CABCOCO1: variants seen among roughly 807,000 people sequenced by gnomAD.
The protein encoded by CABCOCO1 is ciliary associated calcium binding coiled-coil 1, also known as ciliary-associated calcium-binding coiled-coil protein 1.
CABCOCO1 carries 28 observed loss-of-function variants against 35.7 expected under a neutral mutation model. That is an observed-to-expected ratio of 0.78 (90% confidence interval 0.58 to 1.07). CABCOCO1 has a LOEUF of 1.07. Ranked by LOEUF, CABCOCO1 falls within the 50% of genes least tolerant of loss-of-function variation. The pLI, the probability that CABCOCO1 is intolerant of heterozygous loss-of-function variation, is 0.00. For missense variants in CABCOCO1, 326 were observed against 309.2 expected, an observed-to-expected ratio of 1.05 and a Z score of -0.41; for synonymous variants, 95 against 100.1, an observed-to-expected ratio of 0.95 and a Z score of 0.30.
At chr10:61,765,907 C>T (rs1275481275) in intron 7 of CABCOCO1, 32 bp from the exon 8 acceptor site, 6 of 1,589,832 alleles carry the variant, frequency 3.8e-6, no homozygotes, top group South Asian at 1.1e-5. Context: ...ATAGCTCCAT[C>T]ATAACCACGT....
intron 5 of CABCOCO1, among the ~76,000 whole-genome samples, chr10:61,743,541 A>G (rs1841594360): frequency 2.0e-5 from 3 of 152,172 alleles, no homozygotes; most frequent in African/African-American, 7.2e-5. Context: ...CATTTGTCCC[A>G]TTTAATGGAT....
rs529182260 is a variant in CABCOCO1, at chr10:61,749,571, C to A, written c.553-10488C>A. 3.3e-5 allele frequency among the ~76,000 whole-genome samples: 5 copies of A among 152,324 alleles called. No individual in the cohort carries two copies. The South Asian group carries it at 1.0e-3, about 32-fold the overall frequency. On this transcript the variant is annotated intron_variant, in intron 5 of 7. Coordinates refer to ENST00000648843, the MANE Select transcript of CABCOCO1 (RefSeq NM_001366906.2). ...TATGTAGAGCCAGTGAACAAATTCT[C>A]TTTCTGAATTTATCAGAGAATGCCT... is the stretch of plus-strand genomic sequence containing the variant.
At chr10:61,712,101 A>G (rs967133614) in intron 5 of CABCOCO1, among the ~76,000 whole-genome samples, 3 of 151,954 alleles carry the variant, frequency 2.0e-5, no homozygotes, top group Non-Finnish European at 4.4e-5. Context: ...TCCCATCAAC[A>G]GTGTAAAAGC....
chr10:61,765,110 A>AGC (rs1842080504), intron 7 of CABCOCO1, among the ~76,000 whole-genome samples: 1 of 152,288 alleles, frequency 6.6e-6, no homozygotes, highest in African/African-American at 2.4e-5. Flanking sequence ...ATATGTGTAT[A>AGC]AGCTACTCCT....
chr10:61,704,368 A>T (rs1238191030), intron 5 of CABCOCO1, among the ~76,000 whole-genome samples: 5 of 152,238 alleles, frequency 3.3e-5, no homozygotes, highest in African/African-American at 1.2e-4. Context: ...AGATGAGGCT[A>T]TAAAAAACCT....
At chr10:61,723,682 G>C (rs575806387) in intron 5 of CABCOCO1, among the ~76,000 whole-genome samples, 45 of 152,248 alleles carry the variant, frequency 3.0e-4, no homozygotes, top group African/African-American at 1.1e-3. Flanking sequence ...ACAGGGCATA[G>C]AGGAAGAGCT....
intron 5 of CABCOCO1, among the ~76,000 whole-genome samples, chr10:61,754,239 C>T (rs1034776376): frequency 6.6e-6 from 1 of 152,030 alleles, no homozygotes; most frequent in African/African-American, 2.4e-5. Context: ...TAGCATCCCA[C>T]AGTTAGGAAT....
intron 7 of CABCOCO1, among the ~76,000 whole-genome samples, chr10:61,762,541 C>T (rs1234465730): frequency 6.6e-6 from 1 of 152,050 alleles, no homozygotes. Flanking sequence ...AAATTACTGC[C>T]AATTTTTCAA....
At chr10:61,706,802 T>A (rs1840603089) in intron 5 of CABCOCO1, among the ~76,000 whole-genome samples, 2 of 152,042 alleles carry the variant, frequency 1.3e-5, no homozygotes, top group Admixed American at 1.3e-4. Context: ...AATCACTACA[T>A]GTTGGGTGCA....
chr10:61,742,559 C>T (rs1841572186), intron 5 of CABCOCO1, among the ~76,000 whole-genome samples: 2 of 152,242 alleles, frequency 1.3e-5, no homozygotes, highest in Admixed American at 1.3e-4. Flanking sequence ...ATTGTGGGGC[C>T]TTGGAACAGT....
intron 5 of CABCOCO1, among the ~76,000 whole-genome samples, chr10:61,745,857 G>T (rs568845514): frequency 1.3e-5 from 2 of 152,324 alleles, no homozygotes; most frequent in South Asian, 2.1e-4. Flanking sequence ...AGGAGGAGAT[G>T]TAACAGTTGG....
chr10:61,680,475 T>TAACATA (rs1212227035), intron 2 of CABCOCO1, among the ~76,000 whole-genome samples: 1 of 17,338 alleles, frequency 5.8e-5, no homozygotes, highest in Non-Finnish European at 1.8e-4. Context: ...ATAATATATA[T>TAACATA]TTATATATAT....
At chr10:61,719,916 A>G (rs1840959168) in intron 5 of CABCOCO1, among the ~76,000 whole-genome samples, 1 of 74,382 alleles carries the variant, frequency 1.3e-5, no homozygotes, top group South Asian at 5.7e-4. Context: ...GTGAGACTCC[A>G]TCTCAAAAAA....
intron 5 of CABCOCO1, among the ~76,000 whole-genome samples, chr10:61,695,666 AGACT>A (rs1424131704): frequency 1.3e-5 from 2 of 152,110 alleles, no homozygotes; most frequent in Non-Finnish European, 2.9e-5. Context: ...AGTAGCAATA[AGACT>A]GACAGTCAAC....
intron 5 of CABCOCO1, among the ~76,000 whole-genome samples, chr10:61,751,899 C>A (rs1314813626): frequency 6.6e-6 from 1 of 152,168 alleles, no homozygotes; most frequent in Non-Finnish European, 1.5e-5. Context: ...ACATTCAAAT[C>A]TGGAATCAAG....
At chr10:61,722,949 C>A (rs961889136) in intron 5 of CABCOCO1, among the ~76,000 whole-genome samples, 1 of 152,134 alleles carries the variant, frequency 6.6e-6, no homozygotes, top group Admixed American at 6.5e-5. Flanking sequence ...TGATAATTGA[C>A]CCGTATTTAA....
chr10:61,688,990 A>G (rs1440502181), intron 4 of CABCOCO1, among the ~76,000 whole-genome samples: 1 of 152,180 alleles, frequency 6.6e-6, no homozygotes, highest in African/African-American at 2.4e-5. Context: ...TTTCGTTTTC[A>G]GTGTTAAGAA....
chr10:61,690,739 T>C, intron 5 of CABCOCO1, 118 bp downstream of exon 5: 1 of 583,408 alleles, frequency 1.7e-6, no homozygotes. Flanking sequence ...AGTGTTAATA[T>C]AATCAACTCG....
At chr10:61,736,928 G>A (rs1841430520) in intron 5 of CABCOCO1, among the ~76,000 whole-genome samples, 1 of 152,086 alleles carries the variant, frequency 6.6e-6, no homozygotes, top group African/African-American at 2.4e-5. Context: ...TCGCCTTTCT[G>A]ATTTGGCTCT....
Sources: allele counts gnomAD v4.1 joint callset (sites outside exome capture counted in the v4.1 genomes callset), GRCh38; gene constraint gnomAD v4.1.1; transcripts MANE v1.5; gene names NCBI Gene and HGNC (gene_info 2026-07-23, HGNC 2026-07-21).